Variants in ZNF701 observed in about 807,000 individuals in gnomAD.
ZNF701 encodes the protein zinc finger protein 701.
Under a neutral mutation model 7.1 loss-of-function variants are expected in ZNF701, and 6 were observed. That is an observed-to-expected ratio of 0.84 (90% CI 0.46 to 1.66). ZNF701 has a LOEUF of 1.66. Among genes scored for constraint, ZNF701 ranks in the 40% most tolerant of loss-of-function variants. The probability of loss-of-function intolerance (pLI) is 0.01; values close to 1 mark genes in which losing one functional copy is unlikely to be tolerated. For missense variants in ZNF701, 541 were observed against 559.2 expected (o/e 0.97, Z 0.33); for synonymous variants, 166 against 188.2 (o/e 0.88, Z 0.97).
At position 52,582,751 on chromosome 19, in the gene ZNF701, A is replaced by G; in HGVS notation, c.692A>G (p.Lys231Arg). 6.2e-7 allele frequency: 1 copy of G among 1,614,218 alleles called. No homozygotes were observed. Among genetic ancestry groups the G allele is most frequent in the Non-Finnish European group, 8.5e-7 (1 of 1,180,020 alleles). ...GCCTTTAATGGTAGCTCACTCTTAA[A>G]AAAACATCAGATAATCCATTTAGGA... Reference protein sequence around the residue: ...GKAFNGSSLLKKHQIIHLGDK... With the variant: ...GKAFNGSSLLRKHQIIHLGDK... The change falls in exon 4 of 4, where the codon AAA becomes AGA. Residue 231 changes from lysine (K) to arginine (R), a missense_variant. Transcript: ENST00000391785.
intron 1 of ZNF701, chr19:52,572,408 G>A: frequency 7.8e-6 from 10 of 1,282,986 alleles, no homozygotes; most frequent in Non-Finnish European, 1.0e-5. Context: ...TTTTATAAAT[G>A]TTACTGTAAT....
At chr19:52,575,355 C>T (rs1162634767) in intron 2 of ZNF701, among the ~76,000 whole-genome samples, 1 of 126,228 alleles carries the variant, frequency 7.9e-6, no homozygotes, top group Non-Finnish European at 1.8e-5. Context: ...TACATATATA[C>T]ACACACACAT....
chr19:52,581,726 G>A (rs910105611), intron 3 of ZNF701, among the ~76,000 whole-genome samples: 7 of 152,184 alleles, frequency 4.6e-5, no homozygotes, highest in African/African-American at 1.7e-4. Flanking sequence ...ATGATTCTTT[G>A]ACAATACAGA....
chr19:52,580,279 G>A (rs1296501007), intron 3 of ZNF701, among the ~76,000 whole-genome samples: 2 of 152,084 alleles, frequency 1.3e-5, no homozygotes, highest in Non-Finnish European at 2.9e-5. Flanking sequence ...AATTATTTCT[G>A]TGTATGTTGC....
chr19:52,590,633 C>T (rs1289733815), downstream of ZNF701, among the ~76,000 whole-genome samples: 1 of 152,078 alleles, frequency 6.6e-6, no homozygotes, highest in Non-Finnish European at 1.5e-5. Context: ...CACTGTGTCC[C>T]TCAGGCTGGA....
downstream of ZNF701, among the ~76,000 whole-genome samples, chr19:52,590,986 C>A (rs562754487): frequency 2.6e-5 from 4 of 152,036 alleles, no homozygotes; most frequent in East Asian, 7.8e-4. Flanking sequence ...ACTACAGGCA[C>A]GCACCACCAT....
chr19:52,596,953 G>A, the ZNF701 span: 4 of 641,780 alleles, frequency 6.2e-6, no homozygotes, highest in Non-Finnish European at 1.2e-5. Context: ...GCCTTAAGTG[G>A]GAAGTCGTCA....
At chr19:52,576,117 A>C in intron 3 of ZNF701, 96 bp downstream of exon 3, 1 of 1,597,388 alleles carries the variant, frequency 6.3e-7, no homozygotes, top group Non-Finnish European at 8.5e-7. Context: ...TGCTTGGCTA[A>C]AATGGAAGCC....
At chr19:52,570,544 G>T (rs2059890872) in intron 1 of ZNF701, 1 of 152,132 alleles carries the variant, frequency 6.6e-6, no homozygotes, top group Non-Finnish European at 1.5e-5. Context: ...TCTGCTACAG[G>T]GCGCTGTATA....
chr19:52,574,288 CT>C, intron 2 of ZNF701, 126 bp downstream of exon 2: 1 of 1,447,082 alleles, frequency 6.9e-7, no homozygotes. Flanking sequence ...CAACTCATGC[CT>C]TCCCTCAGTC....
chr19:52,572,640 C>T (rs8107245), intron 1 of ZNF701: 9,914 of 346,818 alleles, frequency 0.029, 905 homozygotes, highest in African/African-American at 0.19. Context: ...AAAATGTCCC[C>T]GTTCTGAGGA....
the ZNF701 span, among the ~76,000 whole-genome samples, chr19:52,594,514 T>G: frequency 0.14 from 20,016 of 146,540 alleles, 1,417 homozygotes; most frequent in Middle Eastern, 0.2. Context: ...TTTTTTTTGT[T>G]TTTTGTTTTT....
At chr19:52,592,368 A>T in the ZNF701 span, 9 of 964,124 alleles carry the variant, frequency 9.3e-6, no homozygotes, top group Non-Finnish European at 1.4e-5. Context: ...GATGACCCTC[A>T]TATTTGTCAT....
At chr19:52,572,348 C>T in intron 1 of ZNF701, 1 of 1,288,602 alleles carries the variant, frequency 7.8e-7, no homozygotes, top group South Asian at 1.2e-5. Context: ...AGCCACCGCA[C>T]TCAGCCTCCC....
chr19:52,580,326 C>G (rs2059967522), intron 3 of ZNF701, among the ~76,000 whole-genome samples: 1 of 152,000 alleles, frequency 6.6e-6, no homozygotes. Context: ...TTTTTTCATG[C>G]CTTTTTATTT....
chr19:52,587,548 C>G (rs543292348), downstream of ZNF701, among the ~76,000 whole-genome samples: 4 of 152,268 alleles, frequency 2.6e-5, no homozygotes, highest in Admixed American at 2.6e-4. Flanking sequence ...TCCCACAGCC[C>G]CCCACTTGAC....
At chr19:52,588,153 T>C (rs1424219749), downstream of ZNF701, among the ~76,000 whole-genome samples, 2 of 151,656 alleles carry the variant, frequency 1.3e-5, no homozygotes, top group Non-Finnish European at 2.9e-5. Context: ...GTCTCCCCTG[T>C]GTGTGTGTTT....
At chr19:52,592,208 A>G in the ZNF701 span, 15 of 1,577,760 alleles carry the variant, frequency 9.5e-6, no homozygotes, top group African/African-American at 1.3e-5. Flanking sequence ...TTGGAGAACT[A>G]CAGGAACCTG....
At chr19:52,591,637 C>T (rs566915698), downstream of ZNF701, among the ~76,000 whole-genome samples, 1 of 152,054 alleles carries the variant, frequency 6.6e-6, no homozygotes, top group Non-Finnish European at 1.5e-5. Flanking sequence ...TAGAGGTGGG[C>T]ACCACCACAC....
Sources: allele counts gnomAD v4.1 joint callset (sites outside exome capture counted in the v4.1 genomes callset), GRCh38; gene constraint gnomAD v4.1.1; transcripts MANE v1.5; gene names NCBI Gene and HGNC (gene_info 2026-07-23, HGNC 2026-07-21).